Variants in SMAD9 observed in about 807,000 individuals in gnomAD.
The protein encoded by SMAD9 is MAD homolog 9.
SMAD9 carries 36 observed loss-of-function variants against 46.1 expected under a neutral mutation model. That is an observed-to-expected ratio of 0.78 (90% CI 0.60 to 1.03). SMAD9 has a LOEUF of 1.03. Among genes scored for constraint, SMAD9 ranks in the 50% least tolerant of loss-of-function variants. The pLI is 0.00. For missense variants in SMAD9, 572 were observed against 599.8 expected (o/e 0.95, Z 0.48); for synonymous variants, 245 against 237.1 (o/e 1.03, Z -0.31).
intron 1 of SMAD9, among the ~76,000 whole-genome samples, chr13:36,902,889 T>G (rs1365755126): frequency 1.3e-5 from 2 of 152,198 alleles, no homozygotes; most frequent in Non-Finnish European, 2.9e-5. Flanking sequence ...CCCTAGCACC[T>G]AGAATAGAGC....
At chr13:36,902,891 G>GA (rs2058588551) in intron 1 of SMAD9, among the ~76,000 whole-genome samples, 1 of 152,296 alleles carries the variant, frequency 6.6e-6, no homozygotes, top group Non-Finnish European at 1.5e-5. Flanking sequence ...CTAGCACCTA[G>GA]AATAGAGCCT....
At chr13:36,908,529 G>T (rs542679042) in intron 1 of SMAD9, among the ~76,000 whole-genome samples, 1 of 152,230 alleles carries the variant, frequency 6.6e-6, no homozygotes, top group Non-Finnish European at 1.5e-5. Context: ...CCTGGAATAG[G>T]AATATAACAG....
At chr13:36,848,849 G>T (rs1445979457) in intron 6 of SMAD9, 30 bp from the exon 7 acceptor site, 1 of 1,610,512 alleles carries the variant, frequency 6.2e-7, no homozygotes, top group Admixed American at 1.7e-5. Context: ...CTGAGTGATG[G>T]TGCCACACTT....
chr13:36,907,479 G>C (rs1388070156), intron 1 of SMAD9, among the ~76,000 whole-genome samples: 3 of 152,148 alleles, frequency 2.0e-5, no homozygotes, highest in African/African-American at 7.2e-5. Flanking sequence ...ACTAGCTTGG[G>C]CAACAGAGCG....
intron 5 of SMAD9, among the ~76,000 whole-genome samples, chr13:36,855,016 A>C (rs1211183723): frequency 6.6e-6 from 1 of 152,124 alleles, no homozygotes; most frequent in African/African-American, 2.4e-5. Flanking sequence ...CTGGGTGCTC[A>C]CACCTGCAAT....
At chr13:36,910,239 T>G (rs576907916) in intron 1 of SMAD9, among the ~76,000 whole-genome samples, 4 of 151,980 alleles carry the variant, frequency 2.6e-5, no homozygotes, top group South Asian at 2.1e-4. Context: ...AAACTAAAAT[T>G]TAACCACCAT....
intron 1 of SMAD9, among the ~76,000 whole-genome samples, chr13:36,891,783 G>A (rs547289964): frequency 1.3e-5 from 2 of 152,288 alleles, no homozygotes; most frequent in East Asian, 3.9e-4. Context: ...CTGAGGAAAT[G>A]ACAACAATTA....
chr13:36,880,226 C>T (rs2058391032), intron 1 of SMAD9, among the ~76,000 whole-genome samples: 1 of 152,204 alleles, frequency 6.6e-6, no homozygotes, highest in Non-Finnish European at 1.5e-5. Context: ...TGAGGTCTGA[C>T]TCACCACACC....
At chr13:36,894,014 G>T (rs565024465) in intron 1 of SMAD9, among the ~76,000 whole-genome samples, 2 of 152,140 alleles carry the variant, frequency 1.3e-5, no homozygotes, top group South Asian at 4.2e-4. Context: ...GGTCCCTGCT[G>T]TTAACAATAT....
chr13:36,863,596 G>A (rs1252350169), intron 5 of SMAD9, among the ~76,000 whole-genome samples: 1 of 152,132 alleles, frequency 6.6e-6, no homozygotes, highest in Non-Finnish European at 1.5e-5. Flanking sequence ...AGGTATCTGG[G>A]TCACACAGAA....
At chr13:36,870,290 T>A (rs901940855) in intron 3 of SMAD9, among the ~76,000 whole-genome samples, 2 of 152,156 alleles carry the variant, frequency 1.3e-5, no homozygotes, top group African/African-American at 2.4e-5. Flanking sequence ...AACACTATTA[T>A]CCTCCTGTTC....
At position 36,920,176 on chromosome 13, in the gene SMAD9, G is replaced by C. The variant is rs1479147757; in HGVS notation, c.-247C>G. Reference sequence around the variant, plus strand: ...GGCGGCGGCGGCGGGGACCGAGACAGCGGCTGCAGCAGCGGCGGCGGCGGC... The same window carrying C: ...GGCGGCGGCGGCGGGGACCGAGACACCGGCTGCAGCAGCGGCGGCGGCGGC... On this transcript the variant is annotated 5_prime_UTR_variant, in exon 1 of 7. Coordinates refer to ENST00000379826, the MANE Select transcript of SMAD9 (RefSeq NM_001127217.3). 1.7e-5 allele frequency: 2 copies of C among 116,092 alleles called. No individual in the cohort carries two copies. Among genetic ancestry groups the C allele is most frequent in the East Asian group, 4.7e-4 (2 of 4,262 alleles). 7.2% of individuals were successfully genotyped at this position (116,092 alleles called of 1,614,324 possible). A position where few individuals can be genotyped will look rare whatever the true frequency, so the allele number is the denominator to read the frequency against.
chr13:36,913,768 A>G (rs2058678452), intron 1 of SMAD9, among the ~76,000 whole-genome samples: 1 of 152,222 alleles, frequency 6.6e-6, no homozygotes, highest in South Asian at 2.1e-4. Flanking sequence ...ATAAAATTCT[A>G]CTTCCACTAG....
chr13:36,896,372 A>C (rs948268796), intron 1 of SMAD9, among the ~76,000 whole-genome samples: 1 of 151,884 alleles, frequency 6.6e-6, no homozygotes, highest in Non-Finnish European at 1.5e-5. Context: ...GGCTCAAGCA[A>C]TCCACCCACC....
rs1022611160 is a variant in SMAD9 at position 36,845,179 on chromosome 13, C to A, written c.*3497G>T. 6.6e-6 allele frequency: 1 copy of A among 151,814 alleles called. No individual in the cohort carries two copies. Among genetic ancestry groups the A allele is most frequent in the Non-Finnish European group, 1.5e-5 (1 of 67,974 alleles). The allele number at this position is 151,814 out of a possible 1,614,324, so 9.4% of individuals were successfully genotyped here. A position where few individuals can be genotyped will look rare whatever the true frequency, so the allele number is the denominator to read the frequency against. On this transcript the variant is annotated 3_prime_UTR_variant, in exon 7 of 7. Transcript: ENST00000379826. Reference sequence around the variant, plus strand: ...ACAAAGTTAAGCAGGTGCTTACAGTCTATCAAGTGATATTTATGAAATGTT... The same window carrying A: ...ACAAAGTTAAGCAGGTGCTTACAGTATATCAAGTGATATTTATGAAATGTT...
Position 36,892,783 on chromosome 13 carries a change from A to G in SMAD9, c.-186-12908T>C, listed in dbSNP as rs528707467. On this transcript the variant is annotated intron_variant, in intron 1 of 6. Transcript: ENST00000379826. ...AATCTTGAGCAGCAAAGCAAAGACAATAACAAGCAAGAAGTACTTTTAAGA... is the reference window on the plus strand; with the variant it reads ...AATCTTGAGCAGCAAAGCAAAGACAGTAACAAGCAAGAAGTACTTTTAAGA... Among the ~76,000 whole-genome samples the G allele has an allele frequency of 1.2e-4, 19 of 152,326 alleles. 1 individual carries two copies. In the South Asian group the frequency reaches 3.3e-3, roughly 27 times the overall value.
intron 1 of SMAD9, among the ~76,000 whole-genome samples, chr13:36,905,662 T>G (rs1404778496): frequency 1.3e-5 from 2 of 151,378 alleles, no homozygotes; most frequent in Non-Finnish European, 2.9e-5. Context: ...TAGTCTCAGC[T>G]ACTAGGAAGG....
chr13:36,867,586 G>C (rs776270668), intron 3 of SMAD9, among the ~76,000 whole-genome samples: 2 of 152,158 alleles, frequency 1.3e-5, no homozygotes, highest in African/African-American at 2.4e-5. Flanking sequence ...GAGAGCCTCA[G>C]TAAAGGGTCA....
intron 1 of SMAD9, among the ~76,000 whole-genome samples, chr13:36,899,692 G>C (rs1215900166): frequency 6.6e-6 from 1 of 152,208 alleles, no homozygotes; most frequent in Non-Finnish European, 1.5e-5. Context: ...TCAGGGTCTG[G>C]AGCTCAAAGA....
Sources: allele counts gnomAD v4.1 joint callset (sites outside exome capture counted in the v4.1 genomes callset), GRCh38; gene constraint gnomAD v4.1.1; transcripts MANE v1.5; gene names NCBI Gene and HGNC (gene_info 2026-07-23, HGNC 2026-07-21).